Variants in AFF3 observed in about 807,000 individuals in gnomAD.
AFF3 encodes ALF transcription elongation factor 3, also known as AF4/FMR2 family member 3.
Under a neutral mutation model 129.7 loss-of-function variants are expected in AFF3, and 32 were observed. That is an observed-to-expected ratio of 0.25 (90% CI 0.19 to 0.33). The LOEUF (loss-of-function observed/expected upper bound fraction) is 0.33. Among genes scored for constraint, AFF3 ranks in the 10% least tolerant of loss-of-function variants. AFF3 has a pLI of 1.00. For synonymous variants in AFF3, 644 were observed against 635.4 expected (o/e 1.01, Z -0.20); for missense variants, 1,373 against 1,592.0 (o/e 0.86, Z 2.34).
intron 7 of AFF3, among the ~76,000 whole-genome samples, chr2:99,940,367 C>G (rs567644166): frequency 9.2e-5 from 14 of 152,306 alleles, no homozygotes; most frequent in Admixed American, 4.6e-4. Flanking sequence ...GAGGCTGAAA[C>G]CTACTGGGCT....
chr2:99,681,603 G>C (rs1039122327), intron 11 of AFF3, among the ~76,000 whole-genome samples: 1 of 152,202 alleles, frequency 6.6e-6, no homozygotes, highest in African/African-American at 2.4e-5. Flanking sequence ...GCCCCTGTAA[G>C]AGAGACCTCA....
chr2:100,056,609 T>C (rs993280089), intron 4 of AFF3, among the ~76,000 whole-genome samples: 1 of 152,344 alleles, frequency 6.6e-6, no homozygotes, highest in Admixed American at 6.5e-5. Flanking sequence ...TGGGTTTTAA[T>C]GTCTCCTAAC....
At chr2:99,629,812 C>A (rs1682957937) in intron 13 of AFF3, among the ~76,000 whole-genome samples, 1 of 152,168 alleles carries the variant, frequency 6.6e-6, no homozygotes, top group Non-Finnish European at 1.5e-5. Context: ...GGTCTGGTCC[C>A]TCTTATTCTT....
intron 4 of AFF3, among the ~76,000 whole-genome samples, chr2:100,057,153 T>TA (rs1206565020): frequency 1.3e-4 from 20 of 152,012 alleles, no homozygotes; most frequent in African/African-American, 4.8e-4. Context: ...AAACTCTGTC[T>TA]CAACCAAAAA....
intron 17 of AFF3, among the ~76,000 whole-genome samples, chr2:99,581,836 C>T (rs1043047833): frequency 3.4e-5 from 5 of 147,576 alleles, no homozygotes; most frequent in African/African-American, 7.5e-5. Flanking sequence ...GTTGCTTAGG[C>T]GTCCCTAGGT....
chr2:100,062,934 T>C (rs1414946492), intron 4 of AFF3, among the ~76,000 whole-genome samples: 3 of 152,038 alleles, frequency 2.0e-5, no homozygotes, highest in African/African-American at 7.2e-5. Flanking sequence ...CAAAAATAAA[T>C]AAGTAACAAG....
intron 8 of AFF3, among the ~76,000 whole-genome samples, chr2:99,771,538 C>A (rs1264584730): frequency 3.9e-5 from 6 of 152,064 alleles, no homozygotes; most frequent in African/African-American, 1.4e-4. Flanking sequence ...GATACAGCAA[C>A]ACATTCTAGA....
intron 9 of AFF3, among the ~76,000 whole-genome samples, chr2:99,744,960 C>T (rs933192006): frequency 3.3e-5 from 5 of 152,256 alleles, no homozygotes; most frequent in African/African-American, 9.6e-5. Context: ...AACTGCCAAA[C>T]GATTTTCCAC....
At chr2:99,888,219 T>C (rs1024154451) in intron 7 of AFF3, among the ~76,000 whole-genome samples, 2 of 152,130 alleles carry the variant, frequency 1.3e-5, no homozygotes, top group South Asian at 2.1e-4. Context: ...CACTGTAATA[T>C]GAGAACAAAT....
At chr2:99,993,306 T>C (rs2104606664) in intron 7 of AFF3, among the ~76,000 whole-genome samples, 1 of 152,262 alleles carries the variant, frequency 6.6e-6, no homozygotes, top group Admixed American at 6.5e-5. Flanking sequence ...AGAACCAAAA[T>C]TGAATAGTAT....
chr2:99,890,970 C>G (rs1693505877), intron 7 of AFF3, among the ~76,000 whole-genome samples: 1 of 152,190 alleles, frequency 6.6e-6, no homozygotes. Flanking sequence ...CAGGAGATAA[C>G]TGCCACTGAA....
chr2:99,890,920 A>G (rs1337141178), intron 7 of AFF3, among the ~76,000 whole-genome samples: 5 of 152,136 alleles, frequency 3.3e-5, no homozygotes, highest in African/African-American at 4.8e-5. Context: ...GTATTTTGAA[A>G]TGCAGATTTA....
At chr2:99,738,171 T>C (rs1457633664) in intron 10 of AFF3, among the ~76,000 whole-genome samples, 37 of 152,128 alleles carry the variant, frequency 2.4e-4, no homozygotes, top group Admixed American at 2.4e-3. Flanking sequence ...TTTCCTTTTT[T>C]GTAAGGGGTT....
intron 1 of AFF3, among the ~76,000 whole-genome samples, chr2:100,132,586 C>T (rs191783846): frequency 6.6e-4 from 100 of 152,178 alleles, no homozygotes; most frequent in South Asian, 5.4e-3. Flanking sequence ...CCTCTTCATC[C>T]TCAGCTTTAG....
At chr2:100,061,451 C>CA (rs1187082091) in intron 4 of AFF3, among the ~76,000 whole-genome samples, 2 of 152,082 alleles carry the variant, frequency 1.3e-5, no homozygotes, top group Non-Finnish European at 2.9e-5. Flanking sequence ...GAAGCACTAT[C>CA]TCCAAGGTGA....
intron 7 of AFF3, among the ~76,000 whole-genome samples, chr2:100,000,035 A>G (rs1389226045): frequency 1.3e-5 from 2 of 152,138 alleles, no homozygotes; most frequent in East Asian, 3.9e-4. Context: ...TGCAAACAGC[A>G]CCAGGGAGAC....
At chr2:99,758,548 T>G (rs903750551) in intron 8 of AFF3, among the ~76,000 whole-genome samples, 11 of 136,282 alleles carry the variant, frequency 8.1e-5, no homozygotes, top group Admixed American at 1.7e-4. Context: ...ATCATGCCAC[T>G]GCACTCCAGG....
chr2:99,597,141 G>A (rs1435186062), intron 14 of AFF3, among the ~76,000 whole-genome samples: 1 of 152,184 alleles, frequency 6.6e-6, no homozygotes, highest in Non-Finnish European at 1.5e-5. Context: ...CAGCTACCGG[G>A]CTCTACGGAG....
intron 7 of AFF3, among the ~76,000 whole-genome samples, chr2:99,931,345 G>C (rs1209532315): frequency 6.6e-6 from 1 of 152,186 alleles, no homozygotes; most frequent in Non-Finnish European, 1.5e-5. Flanking sequence ...AGTAACTGCA[G>C]CGTTGCCATT....
Sources: gnomAD v4.1 joint callset for allele counts (sites outside exome capture counted in the v4.1 genomes callset) on GRCh38, gnomAD v4.1.1 for gene constraint, MANE v1.5 for transcripts, NCBI Gene and HGNC (gene_info 2026-07-23, HGNC 2026-07-21) for gene names.